The following ARL10 variants were observed in gnomAD, a reference collection of about 807,000 sequenced individuals.
ARL10 encodes the protein ARF like GTPase 10.
Under a neutral mutation model 26.1 loss-of-function variants are expected in ARL10, and 23 were observed. That is an observed-to-expected ratio of 0.88 (90% CI 0.63 to 1.25). ARL10 has a LOEUF of 1.25. ARL10 is among the 50% of genes most tolerant of loss of function. The pLI, the probability that ARL10 is intolerant of heterozygous loss-of-function variation, is 0.00. For missense variants in ARL10, 300 were observed against 323.6 expected, an observed-to-expected ratio of 0.93 and a Z score of 0.56; for synonymous variants, 138 against 149.1, an observed-to-expected ratio of 0.93 and a Z score of 0.54.
chr5:176,392,328 G>A (rs1389271541), downstream of ARL10: 1 of 159,188 alleles, frequency 6.3e-6, no homozygotes, highest in African/African-American at 2.4e-5. The surrounding 1 kb of genome is among the most constrained non-coding windows in gnomAD (Gnocchi z 5.2). Context: ...CCTCCTGGAG[G>A]TGGAGGCAAC....
downstream of ARL10, among the ~76,000 whole-genome samples, chr5:176,405,044 G>A (rs552025118): frequency 1.3e-5 from 2 of 152,312 alleles, no homozygotes; most frequent in East Asian, 1.9e-4. Flanking sequence ...GGAGTTGGGA[G>A]GACTCAGGGA....
At chr5:176,398,066 G>A (rs1214359601) in intron 1 of ARL10, 2 of 1,608,150 alleles carry the variant, frequency 1.2e-6, no homozygotes, top group African/African-American at 2.7e-5. Flanking sequence ...CAAACACGCA[G>A]CAGTCTATCC....
chr5:176,383,245 G>C (rs1318974412), downstream of ARL10, among the ~76,000 whole-genome samples: 2 of 152,198 alleles, frequency 1.3e-5, no homozygotes. Flanking sequence ...CCTCCTTTTT[G>C]AGAACGAGCG....
rs1284582670 is a variant in ARL10, at chr5:176,393,817, A to G, written c.134-7924A>G. Among the ~76,000 whole-genome samples the G allele has an allele frequency of 6.6e-6, 1 of 152,216 alleles. No homozygotes were observed. Among genetic ancestry groups the G allele is most frequent in the Non-Finnish European group, 1.5e-5 (1 of 68,034 alleles). ...ATACAGTCTAGTGGACAAAATCTAC[A>G]CGTGGGACTCACTAACAGAAAGACA... On this transcript the variant is annotated intron_variant, in intron 1 of 1. Coordinates refer to the ARL10 transcript ENST00000514533. The surrounding 1 kb of genome is among the most constrained non-coding windows in gnomAD (Gnocchi z 4.4).
At chr5:176,367,519 G>T (rs1384800624) in intron 2 of ARL10, among the ~76,000 whole-genome samples, 1 of 152,170 alleles carries the variant, frequency 6.6e-6, no homozygotes, top group Non-Finnish European at 1.5e-5. Flanking sequence ...TGTCACTCTT[G>T]CTTAAAGCCC....
chr5:176,383,997 G>C, downstream of ARL10: 1 of 1,535,578 alleles, frequency 6.5e-7, no homozygotes, highest in Admixed American at 2.0e-5. Flanking sequence ...CACCCACCCT[G>C]AAAACAGCAG....
Position 176,376,361 on chromosome 5 carries a change from CAAAAAAAAA to C in ARL10, c.*4477_*4485del, listed in dbSNP as rs11398212. On this transcript the variant is annotated 3_prime_UTR_variant, in exon 4 of 4. Coordinates refer to ENST00000310389, the MANE Select transcript of ARL10 (RefSeq NM_173664.6). The stretch of plus-strand genomic sequence containing the variant: ...TGGGAGACAGAGCGAGACTCCGTCT[CAAAAAAAAA>C]AAAAAAAAAAGGTTAGCATTCCACT... The C allele has an allele frequency of 4.4e-5, 5 of 114,628 alleles. No individual in the cohort carries two copies. Among genetic ancestry groups the C allele is most frequent in the Non-Finnish European group, 8.5e-5 (5 of 58,742 alleles). 7.1% of individuals were successfully genotyped at this position (114,628 alleles called of 1,614,324 possible).
At chr5:176,390,683 G>A (rs1355265818), downstream of ARL10, among the ~76,000 whole-genome samples, 1 of 152,110 alleles carries the variant, frequency 6.6e-6, no homozygotes, top group African/African-American at 2.4e-5. Context: ...CTGACCTCAG[G>A]TAATCCCCCA....
chr5:176,414,642 C>T, the ARL10 span, among the ~76,000 whole-genome samples: 580 of 152,164 alleles, frequency 3.8e-3, 1 homozygote, highest in Middle Eastern at 0.017. Context: ...GGGGTTTCAC[C>T]ATGTTGCCCA....
At chr5:176,395,891 T>C (rs1350440630) in intron 1 of ARL10, among the ~76,000 whole-genome samples, 1 of 152,166 alleles carries the variant, frequency 6.6e-6, no homozygotes, top group Non-Finnish European at 1.5e-5. Context: ...TCCCAGCACT[T>C]TGGGAGGCCG....
chr5:176,386,930 G>A, intron 1 of ARL10: 3 of 1,608,844 alleles, frequency 1.9e-6, no homozygotes, highest in Non-Finnish European at 2.6e-6. Context: ...CAGAGCCCTT[G>A]AGACCAGAAG....
chr5:176,394,364 T>C (rs1756393207), intron 1 of ARL10, among the ~76,000 whole-genome samples: 1 of 152,196 alleles, frequency 6.6e-6, no homozygotes, highest in Non-Finnish European at 1.5e-5. Flanking sequence ...GACCCCCTGG[T>C]AATTCATAGG....
At chr5:176,389,455 C>T, downstream of ARL10, 1 of 1,614,140 alleles carries the variant, frequency 6.2e-7, no homozygotes, top group Non-Finnish European at 8.5e-7. Context: ...TCGCAGCCAT[C>T]TTGCTGGGTC....
the ARL10 span, among the ~76,000 whole-genome samples, chr5:176,410,661 T>A: frequency 6.6e-6 from 1 of 151,790 alleles, no homozygotes. Flanking sequence ...TGGCTGGGAA[T>A]GGCCAGATTA....
At position 176,378,148 on chromosome 5, in the gene ARL10, A is replaced by G. The variant is rs1755444977; in HGVS notation, c.*6253A>G. ...GGCTCTCCATGAGTTCACGCTTAAC[A>G]TTATGTTTACGTCTGTCAGATAACA... On this transcript the variant is annotated 3_prime_UTR_variant, in exon 4 of 4. Transcript: ENST00000310389. 1 of 152,238 alleles carries G rather than the reference A, an allele frequency of 6.6e-6. No individual in the cohort carries two copies. The highest frequency in any genetic ancestry group is 2.4e-5 in the African/African-American group (1 of 41,454). 9.4% of individuals were successfully genotyped at this position (152,238 alleles called of 1,614,324 possible).
At chr5:176,371,581 AT>A (rs1768546054) in intron 3 of ARL10, 140 bp from the exon 4 acceptor site, 1 of 568,730 alleles carries the variant, frequency 1.8e-6, no homozygotes, top group Admixed American at 3.1e-5. Context: ...GTTTCCTGAT[AT>A]TCCCGGGGAT....
rs1768568419 is a variant in ARL10, at chr5:176,372,217, T to C, written c.*322T>C. ...ATGCTCAGTGGGCTCAATCCTCCAC[T>C]ACAGGTCCCGGTACCTGAGGAACCA... On this transcript the variant is annotated 3_prime_UTR_variant, in exon 4 of 4. Transcript: ENST00000310389. 5.7e-6 allele frequency: 3 copies of C among 530,538 alleles called. No homozygotes were observed. In the East Asian group the frequency reaches 2.1e-4, roughly 36 times the overall value. 32.9% of individuals were successfully genotyped at this position (530,538 alleles called of 1,614,324 possible).
rs114678394 is a variant in ARL10 at position 176,365,839 on chromosome 5, C to G, written c.183+93C>G. 2.5e-6 allele frequency: 3 copies of G among 1,201,848 alleles called. No individual in the cohort carries two copies. In the African/African-American group the frequency reaches 4.7e-5, roughly 19 times the overall value. 74.4% of individuals were successfully genotyped at this position (1,201,848 alleles called of 1,614,324 possible). ...GGGGTGTGACCACGGAACGGCCCTG[C>G]TGGTGCCGGGAGCTTGGGGGGTCGA... On this transcript the variant is annotated intron_variant, in intron 1 of 3. Coordinates refer to ENST00000310389, the MANE Select transcript of ARL10 (RefSeq NM_173664.6).
downstream of ARL10, among the ~76,000 whole-genome samples, chr5:176,390,586 C>A (rs1446047329): frequency 6.6e-6 from 1 of 152,182 alleles, no homozygotes; most frequent in African/African-American, 2.4e-5. Flanking sequence ...TGTGCCACCA[C>A]GCCCGGCTAA....
Sources: gnomAD v4.1 joint callset for allele counts (sites outside exome capture counted in the v4.1 genomes callset) on GRCh38, gnomAD v4.1.1 for gene constraint, Gnocchi (gnomAD v3.1) non-coding constraint, MANE v1.5 for transcripts, NCBI Gene and HGNC (gene_info 2026-07-23, HGNC 2026-07-21) for gene names.